The following DDX46 variants were observed in gnomAD, a reference collection of about 807,000 sequenced individuals.
DDX46 encodes DEAD-box helicase 46, also known as probable ATP-dependent RNA helicase DDX46.
DDX46 carries 30 observed loss-of-function variants against 134.9 expected under a neutral mutation model. That is an observed-to-expected ratio of 0.22 (90% CI 0.17 to 0.30). The LOEUF (loss-of-function observed/expected upper bound fraction) is 0.30, where lower values mean the gene tolerates loss of function less well. Among genes scored for constraint, DDX46 ranks in the 10% least tolerant of loss-of-function variants. DDX46 has a pLI of 1.00. For synonymous variants in DDX46, 415 were observed against 404.1 expected (o/e 1.03, Z -0.32); for missense variants, 622 against 1,248.7 (o/e 0.50, Z 7.56).
Position 134,790,502 on chromosome 5 carries a change from G to A in DDX46, c.1576G>A (p.Val526Ile). The A allele has an allele frequency of 1.2e-6, 2 of 1,613,124 alleles. No individual in the cohort carries two copies. Among genetic ancestry groups the A allele is most frequent in the South Asian group, 1.1e-5 (1 of 90,796 alleles). The change falls in exon 13 of 23, where the codon GTT (valine) becomes ATT (isoleucine). Residue 526 changes from valine (V) to isoleucine (I), a missense_variant. Val to Ile is a conservative substitution (Grantham distance 29). This residue lies in a region of DDX46 where 209 missense variants were observed against 508.4 expected (regional missense o/e 0.41). Coordinates refer to ENST00000452510, the MANE Select transcript of DDX46 (RefSeq NM_001300860.2). ...CACAAATCTTCGAAGAGTGACATAT[G>A]TTGTTTTAGATGAAGCAGACAGAAT... Reference protein sequence around the residue: ...RVTNLRRVTYVVLDEADRMFD... With the variant: ...RVTNLRRVTYIVLDEADRMFD...
At position 134,826,949 on chromosome 5, in the gene DDX46, G is replaced by T; in HGVS notation, c.2980G>T (p.Ala994Ser). The change falls in exon 22 of 23, where the codon GCC becomes TCC. Residue 994 changes from alanine to serine, a missense_variant and splice_region_variant. Transcript: ENST00000452510. ...TATGCTTTCCACTCAATCACTAGGT[G>T]CCAATGAACTGGCTGTGCAGAAAGC... ...ERKIYLAIESANELAVQKAKA... is the reference protein window; with the variant it reads ...ERKIYLAIESSNELAVQKAKA... 2 of 1,612,890 alleles carry T rather than the reference G, an allele frequency of 1.2e-6. No individual in the cohort carries two copies. Among genetic ancestry groups the T allele is most frequent in the Non-Finnish European group, 1.7e-6 (2 of 1,179,566 alleles).
In DDX46 at chr5:134,811,352, G is replaced by T; in HGVS notation, c.2280G>T (p.Gln760His). 6.2e-7 allele frequency: 1 copy of T among 1,613,846 alleles called. No individual in the cohort carries two copies. Among genetic ancestry groups the T allele is most frequent in the Non-Finnish European group, 8.5e-7 (1 of 1,179,886 alleles). Residue 760 changes from glutamine (Q) to histidine (H), a missense_variant, in exon 17 of 23, where the codon CAG (glutamine) becomes CAT (histidine). Transcript: ENST00000452510. ...EKLWSDFKDQ[Q>H]KAEGKIIKKS... ...TGTGGAGTGATTTCAAAGATCAGCA[G>T]AAAGCTGTGAGTTTTTAACCCATGT...
intron 21 of DDX46, among the ~76,000 whole-genome samples, chr5:134,819,878 A>G (rs1755394036): frequency 6.6e-6 from 1 of 151,380 alleles, no homozygotes. Flanking sequence ...ATAGTAGGAC[A>G]CCCTGTCACA....
At position 134,818,746 on chromosome 5, in the gene DDX46, G is replaced by C. The variant is rs894630576; in HGVS notation, c.2833-114G>C. The C allele has an allele frequency of 5.4e-6, 4 of 746,822 alleles. No individual in the cohort carries two copies. The Admixed American group carries it at 1.4e-4, about 26-fold the overall frequency. 46.3% of individuals were successfully genotyped at this position (746,822 alleles called of 1,614,324 possible). On this transcript the variant is annotated intron_variant, in intron 20 of 22. Transcript: ENST00000452510. ...GAATATATATATATGGAGAGAGAGAGAGAGAGAGAGACCAACCATAATATG... is the reference window on the plus strand; with the variant it reads ...GAATATATATATATGGAGAGAGAGACAGAGAGAGAGACCAACCATAATATG...
At chr5:134,825,748 C>T (rs1755573311) in intron 21 of DDX46, 1 of 152,214 alleles carries the variant, frequency 6.6e-6, no homozygotes, top group Non-Finnish European at 1.5e-5. Flanking sequence ...CCAGCCTACC[C>T]TTGATGGCTC....
At chr5:134,769,440 C>T (rs1387105375) in intron 3 of DDX46, among the ~76,000 whole-genome samples, 1 of 149,090 alleles carries the variant, frequency 6.7e-6, no homozygotes, top group Admixed American at 6.8e-5. Flanking sequence ...AGGCTATTCT[C>T]CTGCCTCAGC....
At chr5:134,769,545 T>G (rs560289570) in intron 3 of DDX46, among the ~76,000 whole-genome samples, 136 of 150,006 alleles carry the variant, frequency 9.1e-4, no homozygotes, top group Admixed American at 2.9e-3. Context: ...TTGTTTGTTT[T>G]TTTTTTTTTT....
chr5:134,802,401 A>G (rs1754858326), intron 15 of DDX46, among the ~76,000 whole-genome samples: 1 of 151,256 alleles, frequency 6.6e-6, no homozygotes, highest in African/African-American at 2.4e-5. Context: ...ATATCAGGTG[A>G]TCCACCCACC....
chr5:134,802,159 CTTTTTTTTTTTTT>C (rs542615882), intron 15 of DDX46, among the ~76,000 whole-genome samples: 4 of 73,266 alleles, frequency 5.5e-5, no homozygotes, highest in East Asian at 9.3e-4. Flanking sequence ...TAATTTCTTT[CTTTTTTTTTTTTT>C]TTTTTTTTTG....
intron 10 of DDX46, 89 bp from the exon 11 acceptor site, chr5:134,785,374 CTG>C (rs1417229781): frequency 7.3e-7 from 1 of 1,374,496 alleles, no homozygotes; most frequent in African/African-American, 1.5e-5. Flanking sequence ...GTGAAACAAT[CTG>C]AACTTTATTG....
chr5:134,766,975 G>C lies in DDX46; in HGVS notation c.265G>C (p.Asp89His). The change falls in exon 3 of 23, where the codon GAC (aspartate) becomes CAC (histidine). Residue 89 changes from aspartate to histidine, a missense_variant. Physicochemically the swap from Asp to His is moderately conservative, Grantham distance 81 (BLOSUM62 -1). Transcript: ENST00000452510. ...AGAGCGAAGAAGATCTCGAAGTAGAGACAGGAGACGCTCAAGGAGTAGAAG... is the reference window on the plus strand; with the variant it reads ...AGAGCGAAGAAGATCTCGAAGTAGACACAGGAGACGCTCAAGGAGTAGAAG... ...SRERRRSRSR[D>H]RRRSRSRSRG... 3 of 1,614,204 alleles carry C rather than the reference G, an allele frequency of 1.9e-6. No individual in the cohort carries two copies. Among genetic ancestry groups the C allele is most frequent in the Non-Finnish European group, 2.5e-6 (3 of 1,180,024 alleles).
In DDX46 at chr5:134,819,393, A is replaced by G. The variant is rs146646558; in HGVS notation, c.2977+389A>G. On this transcript the variant is annotated intron_variant, in intron 21 of 22. Transcript: ENST00000452510. ...TATTGCCTGTGAAATTATCCCCATG[A>G]AAGTTTATGCCTTTAACAAAATAAG... Among the ~76,000 whole-genome samples the G allele has an allele frequency of 1.4e-3, 216 of 152,342 alleles. 2 individuals carry two copies. In the East Asian group the frequency reaches 0.018, roughly 13 times the overall value.
intron 1 of DDX46, among the ~76,000 whole-genome samples, chr5:134,763,271 C>T (rs2150128015): frequency 6.6e-6 from 1 of 152,194 alleles, no homozygotes. Context: ...TTGTGTCACT[C>T]CTCTGCTTAA....
chr5:134,805,325 G>T (rs902379546), intron 15 of DDX46, among the ~76,000 whole-genome samples: 5 of 151,726 alleles, frequency 3.3e-5, no homozygotes, highest in African/African-American at 1.2e-4. Flanking sequence ...CTGCCACCAC[G>T]CCTGGCTAAA....
Position 134,827,286 on chromosome 5 carries a change from T to C in DDX46, c.3051+266T>C, listed in dbSNP as rs541779752. On this transcript the variant is annotated intron_variant, in intron 22 of 22. Coordinates refer to ENST00000452510, the MANE Select transcript of DDX46 (RefSeq NM_001300860.2). ...TTTTTTTTCTTTTCTTTTCTTTTTT[T>C]TTTTTGGAGACTGAGTCTTGCATTG... 3.3e-5 allele frequency among the ~76,000 whole-genome samples: 5 copies of C among 152,058 alleles called. No homozygotes were observed. The South Asian group carries it at 1.0e-3, about 32-fold the overall frequency.
intron 12 of DDX46, 78 bp downstream of exon 12, chr5:134,788,669 C>A: frequency 1.6e-6 from 2 of 1,264,286 alleles, no homozygotes; most frequent in Non-Finnish European, 1.1e-6. Context: ...TGCAAGAAAC[C>A]AACAAAGGGT....
At chr5:134,773,246 T>A (rs1036351154) in intron 4 of DDX46, among the ~76,000 whole-genome samples, 2 of 152,232 alleles carry the variant, frequency 1.3e-5, no homozygotes, top group Non-Finnish European at 2.9e-5. Flanking sequence ...ATAAAATTTC[T>A]TTATCATGTT....
Position 134,764,028 on chromosome 5 carries a change from A to C in DDX46, c.142A>C (p.Arg48=). ...RRSRSRDRDR[R]RERSRSRDKR... is the part of the protein sequence containing the mutation. ...GTCTAGAAGTAGAGATAGAGATAGG[A>C]GGAGAGAGAGGTCTCGTAGCAGGGA... is the stretch of plus-strand genomic sequence containing the variant. Residue 48 remains arginine (R), a synonymous_variant, in exon 2 of 23, where the codon AGG becomes CGG. Coordinates refer to ENST00000452510, the MANE Select transcript of DDX46 (RefSeq NM_001300860.2). 1 of 1,614,228 alleles carries C rather than the reference A, an allele frequency of 6.2e-7. No homozygotes were observed. The highest frequency in any genetic ancestry group is 8.5e-7 in the Non-Finnish European group (1 of 1,180,048).
rs947722643 is a variant in DDX46 at position 134,825,936 on chromosome 5, G to A, written c.2978-1011G>A. The A allele has an allele frequency of 3.3e-5, 5 of 152,058 alleles. No individual in the cohort carries two copies. In the East Asian group the frequency reaches 9.6e-4, roughly 29 times the overall value. The allele number at this position is 152,058 out of a possible 1,614,324, so 9.4% of individuals were successfully genotyped here. On this transcript the variant is annotated intron_variant, in intron 21 of 22. Coordinates refer to ENST00000452510, the MANE Select transcript of DDX46 (RefSeq NM_001300860.2). ...GGAATCAGTATATTCTTTTACTTCT[G>A]CCTTTTTTCACTTGCCAGCCAGCTC... is the stretch of plus-strand genomic sequence containing the variant.
Sources: gnomAD v4.1 joint callset for allele counts (sites outside exome capture counted in the v4.1 genomes callset) on GRCh38, gnomAD v4.1.1 for gene constraint, gnomAD v4.1.1 regional missense constraint, MANE v1.5 for transcripts, NCBI Gene and HGNC (gene_info 2026-07-23, HGNC 2026-07-21) for gene names.